The following FBXO9 variants were observed in gnomAD, a reference collection of about 807,000 sequenced individuals.
FBXO9 encodes F-box protein 9.
FBXO9 carries 43 observed loss-of-function variants against 63.7 expected under a neutral mutation model. The observed-to-expected ratio is 0.67, with a 90% CI of 0.53 to 0.87. The LOEUF is 0.87. Ranked by LOEUF, FBXO9 falls within the 40% of genes least tolerant of loss-of-function variation. The pLI, the probability that FBXO9 is intolerant of heterozygous loss-of-function variation, is 0.00. For missense variants in FBXO9, 442 were observed against 533.2 expected (o/e 0.83, Z 1.68); for synonymous variants, 156 against 171.7 (o/e 0.91, Z 0.72).
At position 53,076,670 on chromosome 6, in the gene FBXO9, G is replaced by T. The variant is rs568907619; in HGVS notation, c.307+127G>T. 6.4e-6 allele frequency: 4 copies of T among 627,288 alleles called. No homozygotes were observed. The South Asian group carries it at 1.2e-4, about 19-fold the overall frequency. 38.9% of individuals were successfully genotyped at this position (627,288 alleles called of 1,614,324 possible). On this transcript the variant is annotated intron_variant, in intron 4 of 12. Transcript: ENST00000323557. ...CTTTTCTTAATACATTCTTCCTTCA[G>T]TACTCATTGGAAATTGGTTCCAGGA...
At chr6:53,080,419 A>C (rs1025900027) in intron 5 of FBXO9, among the ~76,000 whole-genome samples, 6 of 152,058 alleles carry the variant, frequency 3.9e-5, no homozygotes, top group African/African-American at 1.2e-4. Context: ...TACTTCAGTA[A>C]AAATAGAAAG....
chr6:53,076,181 G>A lies in FBXO9; in HGVS notation c.250-305G>A, dbSNP rs1368345417. 2.6e-5 allele frequency among the ~76,000 whole-genome samples: 4 copies of A among 152,254 alleles called. No homozygotes were observed. The East Asian group carries it at 7.7e-4, about 29-fold the overall frequency. On this transcript the variant is annotated intron_variant, in intron 3 of 12. Transcript: ENST00000323557. ...GAGCAAAAATTTTTAATTTTGACAA[G>A]GTCCAGTTTATCAGTTTTTCCTTTT... is the stretch of plus-strand genomic sequence containing the variant.
At position 53,078,914 on chromosome 6, in the gene FBXO9, G is replaced by T. The variant is rs751700135; in HGVS notation, c.407+16G>T. ...GAAACAGCTAGTGCGTATATAATTT[G>T]ATAGATAGTAATGCATAGAGTTTGT... On this transcript the variant is annotated intron_variant, in intron 5 of 12. Transcript: ENST00000323557. The T allele has an allele frequency of 2.5e-6, 4 of 1,577,458 alleles. No individual in the cohort carries two copies. Among genetic ancestry groups the T allele is most frequent in the Non-Finnish European group, 2.6e-6 (3 of 1,146,810 alleles).
rs192887901 is a variant in FBXO9, at chr6:53,068,871, A to G, written c.4-2186A>G. On this transcript the variant is annotated intron_variant, in intron 1 of 12. Transcript: ENST00000323557. ...TGCCATGTTGCCCAGCCTTGTCTCA[A>G]ACTCCTGGGCTCAAGCAGTCCTTCC... 5.0e-4 allele frequency among the ~76,000 whole-genome samples: 76 copies of G among 152,170 alleles called. 2 individuals carry two copies. In the East Asian group the frequency reaches 0.012, roughly 24 times the overall value.
intron 7 of FBXO9, among the ~76,000 whole-genome samples, chr6:53,089,665 C>T (rs1017409744): frequency 6.6e-6 from 1 of 152,168 alleles, no homozygotes; most frequent in African/African-American, 2.4e-5. Context: ...CCAGAAAGGA[C>T]TTACCAGGAA....
intron 6 of FBXO9, among the ~76,000 whole-genome samples, chr6:53,082,198 TCA>T (rs755166513): frequency 1.3e-5 from 2 of 152,176 alleles, no homozygotes; most frequent in African/African-American, 4.8e-5. Context: ...GCAATATGGA[TCA>T]CACACACATA....
intron 1 of FBXO9, among the ~76,000 whole-genome samples, chr6:53,068,777 C>T (rs1302065290): frequency 6.6e-6 from 1 of 151,800 alleles, no homozygotes; most frequent in East Asian, 1.9e-4. Flanking sequence ...CTCAGCCTCC[C>T]GAGTAGCTGG....
At chr6:53,072,947 T>C (rs1387274172) in intron 2 of FBXO9, among the ~76,000 whole-genome samples, 1 of 152,194 alleles carries the variant, frequency 6.6e-6, no homozygotes, top group Non-Finnish European at 1.5e-5. Context: ...GTTCTCGAAC[T>C]CCTGACCTCA....
Position 53,081,107 on chromosome 6 carries a change from A to G in FBXO9, c.538+9A>G. The G allele has an allele frequency of 1.2e-6, 2 of 1,600,118 alleles. No individual in the cohort carries two copies. The highest frequency in any genetic ancestry group is 1.7e-6 in the Non-Finnish European group (2 of 1,176,542). ...TCAGATTCACATATCAGGTGTGAAT[A>G]CTTGTTTTTCATAACTCAGTGAGAA... On this transcript the variant is annotated intron_variant, in intron 6 of 12. Transcript: ENST00000323557.
chr6:53,084,499 T>C (rs1252300455), intron 7 of FBXO9, among the ~76,000 whole-genome samples: 1 of 152,204 alleles, frequency 6.6e-6, no homozygotes. Flanking sequence ...TCTTATGATA[T>C]GGTTCTGATG....
chr6:53,079,317 C>A (rs555139220), intron 5 of FBXO9, among the ~76,000 whole-genome samples: 1 of 151,950 alleles, frequency 6.6e-6, no homozygotes, highest in Non-Finnish European at 1.5e-5. Flanking sequence ...AGTTTCCTTA[C>A]GTATATGTTT....
At chr6:53,070,530 A>T (rs976646012) in intron 1 of FBXO9, among the ~76,000 whole-genome samples, 1 of 152,202 alleles carries the variant, frequency 6.6e-6, no homozygotes, top group African/African-American at 2.4e-5. Context: ...TTTGGGGGAA[A>T]AAAAGCAATA....
At chr6:53,077,472 C>CAAAAAAAA (rs1173539613) in intron 4 of FBXO9, among the ~76,000 whole-genome samples, 1 of 70,454 alleles carries the variant, frequency 1.4e-5, no homozygotes, top group Non-Finnish European at 2.5e-5. Context: ...GACTCCGTCT[C>CAAAAAAAA]AAAAAAAAAA....
chr6:53,073,709 A>G, intron 3 of FBXO9, 70 bp downstream of exon 3: 2 of 1,312,394 alleles, frequency 1.5e-6, no homozygotes, highest in Non-Finnish European at 2.1e-6. Flanking sequence ...TCACTGACAC[A>G]GTAAGTAGGC....
rs1051468068 is a variant in FBXO9, at chr6:53,073,653, A to C, written c.249+14A>C. On this transcript the variant is annotated intron_variant, in intron 3 of 12. Transcript: ENST00000323557. ...AAAGAAGAAAAGTTAAGTATTATAGATATTGTAACAAATTACATTTTTTTT... is the reference window on the plus strand; with the variant it reads ...AAAGAAGAAAAGTTAAGTATTATAGCTATTGTAACAAATTACATTTTTTTT... The C allele has an allele frequency of 4.9e-5, 74 of 1,499,546 alleles. No individual in the cohort carries two copies. Among genetic ancestry groups the C allele is most frequent in the Non-Finnish European group, 6.3e-5 (71 of 1,130,430 alleles). The allele number at this position is 1,499,546 out of a possible 1,614,324, so 92.9% of individuals were successfully genotyped here.
chr6:53,069,498 A>G (rs948813145), intron 1 of FBXO9, among the ~76,000 whole-genome samples: 1 of 152,230 alleles, frequency 6.6e-6, no homozygotes, highest in Non-Finnish European at 1.5e-5. Context: ...CCTGATGGAA[A>G]ATACAACATG....
intron 11 of FBXO9, 131 bp from the exon 12 acceptor site, chr6:53,095,382 G>C: frequency 1.3e-6 from 1 of 752,430 alleles, no homozygotes; most frequent in South Asian, 2.5e-5. Context: ...ATACATTCTT[G>C]TGATAGTCAA....
intron 11 of FBXO9, 23 bp from the exon 12 acceptor site, chr6:53,095,490 C>G: frequency 6.3e-7 from 1 of 1,592,744 alleles, no homozygotes; most frequent in Non-Finnish European, 8.5e-7. Context: ...TTCATTATAA[C>G]TTATGCATCT....
intron 7 of FBXO9, chr6:53,092,034 GCTCTTGGATGAGCCCACCAGT>G: frequency 5.5e-6 from 1 of 180,544 alleles, no homozygotes; most frequent in Non-Finnish European, 1.2e-5. Flanking sequence ...GCTCCTGCTG[GCTCTTGGATGAGCCCACCAGT>G]CACACTTCTG....
Sources: allele counts gnomAD v4.1 joint callset (sites outside exome capture counted in the v4.1 genomes callset), GRCh38; gene constraint gnomAD v4.1.1; transcripts MANE v1.5; gene names NCBI Gene and HGNC (gene_info 2026-07-23, HGNC 2026-07-21).